The following PPIP5K2 variants were observed in gnomAD, a reference collection of about 807,000 sequenced individuals.
The protein encoded by PPIP5K2 is diphosphoinositol pentakisphosphate kinase 2.
In PPIP5K2, 105 loss-of-function variants were observed where a neutral mutation model predicts 154.6. The observed-to-expected ratio is 0.68, with a 90% CI of 0.58 to 0.80. The LOEUF is 0.80. Ranked by LOEUF, PPIP5K2 falls within the 30% of genes least tolerant of loss-of-function variation. The pLI is 0.00. For synonymous variants in PPIP5K2, 480 were observed against 490.3 expected, an observed-to-expected ratio of 0.98 and a Z score of 0.28; for missense variants, 992 against 1,504.6, an observed-to-expected ratio of 0.66 and a Z score of 5.64.
rs1803657534 is a variant in PPIP5K2, at chr5:103,208,930, A to G, written c.*7296A>G. 6.6e-6 allele frequency: 1 copy of G among 152,032 alleles called. No individual in the cohort carries two copies. The highest frequency in any genetic ancestry group is 2.4e-5 in the African/African-American group (1 of 41,372). 9.4% of individuals were successfully genotyped at this position (152,032 alleles called of 1,614,324 possible). A position where few individuals can be genotyped will look rare whatever the true frequency, so the allele number is the denominator to read the frequency against. ...TAAATTAAGACCTAATTTCTCCTTCATTTTCAAACTGGATATCATTTCTTT... is the reference window on the plus strand; with the variant it reads ...TAAATTAAGACCTAATTTCTCCTTCGTTTTCAAACTGGATATCATTTCTTT... On this transcript the variant is annotated 3_prime_UTR_variant, in exon 31 of 31. Transcript: ENST00000358359.
chr5:103,146,181 T>C (rs1213646863), intron 5 of PPIP5K2, among the ~76,000 whole-genome samples: 1 of 152,098 alleles, frequency 6.6e-6, no homozygotes, highest in Non-Finnish European at 1.5e-5. Context: ...TTTTACGATA[T>C]CTGTGATATG....
intron 30 of PPIP5K2, among the ~76,000 whole-genome samples, chr5:103,200,773 C>T (rs1162521631): frequency 2.0e-5 from 3 of 151,876 alleles, no homozygotes; most frequent in African/African-American, 7.3e-5. Flanking sequence ...GTAGCTGAGA[C>T]TATAAGTGTG....
rs1794219241 is a variant in PPIP5K2, at chr5:103,149,238, A to G, written c.831A>G (p.Gly277=). Residue 277 remains glycine (G), a synonymous_variant, in exon 8 of 31, where the codon GGA becomes GGG. Coordinates refer to ENST00000358359, the MANE Select transcript of PPIP5K2 (RefSeq NM_001276277.3). The part of the protein sequence containing the change: ...LDGKVERDSE[G]KEVRYPVILN... The stretch of plus-strand genomic sequence containing the variant: ...GCAAGGTGGAACGAGACAGTGAAGG[A>G]AAAGAAGTAAGATACCCTGTTATTC... The G allele has an allele frequency of 6.2e-7, 1 of 1,613,934 alleles. No individual in the cohort carries two copies. The highest frequency in any genetic ancestry group is 1.3e-5 in the African/African-American group (1 of 74,928).
chr5:103,142,403 C>T (rs1175868955), intron 5 of PPIP5K2, among the ~76,000 whole-genome samples: 1 of 152,180 alleles, frequency 6.6e-6, no homozygotes, highest in Non-Finnish European at 1.5e-5. Context: ...AGCCCCAGTT[C>T]CCGCTCGCGC....
At chr5:103,123,127 A>G (rs1328031592) in intron 1 of PPIP5K2, among the ~76,000 whole-genome samples, 1 of 152,200 alleles carries the variant, frequency 6.6e-6, no homozygotes, top group Non-Finnish European at 1.5e-5. Flanking sequence ...TTGCTAGAAA[A>G]CTGTCATAAC....
chr5:103,179,235 A>T (rs1020882020), intron 23 of PPIP5K2, among the ~76,000 whole-genome samples: 1 of 151,900 alleles, frequency 6.6e-6, no homozygotes, highest in Non-Finnish European at 1.5e-5. Context: ...TAATTTGATG[A>T]GGGTTTTTAT....
chr5:103,127,431 G>A (rs976282686), intron 1 of PPIP5K2, among the ~76,000 whole-genome samples: 1 of 152,116 alleles, frequency 6.6e-6, no homozygotes, highest in Non-Finnish European at 1.5e-5. Context: ...GCTCCTTAAG[G>A]AAAAGAGCCA....
intron 1 of PPIP5K2, among the ~76,000 whole-genome samples, chr5:103,125,455 C>G (rs1308134249): frequency 1.5e-5 from 2 of 133,280 alleles, no homozygotes; most frequent in Non-Finnish European, 3.2e-5. Flanking sequence ...CTAGCCTGTT[C>G]AGTTTTTTTT....
At chr5:103,172,133 A>T (rs115491305) in intron 19 of PPIP5K2, among the ~76,000 whole-genome samples, 2,850 of 151,764 alleles carry the variant, frequency 0.019, 92 homozygotes, top group African/African-American at 0.066. Context: ...TTAAAAAAAA[A>T]TTATTTCCCT....
rs1447637552 is a variant in PPIP5K2, at chr5:103,151,772, CTT to C, written c.1028+401_1028+402del. Among the ~76,000 whole-genome samples, 4 of 151,958 alleles carry C rather than the reference CTT, an allele frequency of 2.6e-5. No homozygotes were observed. In the East Asian group the frequency reaches 7.7e-4, roughly 29 times the overall value. On this transcript the variant is annotated intron_variant, in intron 9 of 30. Transcript: ENST00000358359. The stretch of plus-strand genomic sequence containing the variant: ...ATAGAAATATTTAGAATTCATGACT[CTT>C]TTGCATGACAATTCATTCTACAAGC...
At chr5:103,135,344 G>C (rs1422373625) in intron 3 of PPIP5K2, among the ~76,000 whole-genome samples, 1 of 152,162 alleles carries the variant, frequency 6.6e-6, no homozygotes, top group Non-Finnish European at 1.5e-5. Flanking sequence ...GATGGAACCA[G>C]GATTTGAACG....
intron 17 of PPIP5K2, 147 bp downstream of exon 17, chr5:103,159,475 C>A: frequency 2.7e-6 from 2 of 734,026 alleles, no homozygotes; most frequent in Non-Finnish European, 3.9e-6. Flanking sequence ...AACATTGGAA[C>A]AACTTTGGCT....
chr5:103,192,631 A>G (rs1801416595), intron 29 of PPIP5K2, among the ~76,000 whole-genome samples: 1 of 152,148 alleles, frequency 6.6e-6, no homozygotes. Context: ...TTTTAGTAGA[A>G]TATTTACAAA....
rs782105923 is a variant in PPIP5K2, at chr5:103,190,978, A to C, written c.3489A>C (p.Glu1163Asp). The C allele has an allele frequency of 1.2e-6, 2 of 1,602,688 alleles. No individual in the cohort carries two copies. The highest frequency in any genetic ancestry group is 1.7e-6 in the Non-Finnish European group (2 of 1,176,094). Reference protein sequence around the residue: ...PSSDVPRKTAEISSTALRSSP... With the variant: ...PSSDVPRKTADISSTALRSSP... The stretch of plus-strand genomic sequence containing the variant: ...CTGACGTTCCACGGAAGACCGCTGA[A>C]ATTTGTAGGAAATTTTTCTTTCATT... The change falls in exon 29 of 31, where the codon GAA becomes GAC. Residue 1163 changes from glutamate (E) to aspartate (D), a missense_variant. Physicochemically the swap from Glu to Asp is conservative, Grantham distance 45. This residue lies in a region of PPIP5K2 where 131 missense variants were observed against 117.8 expected (regional missense o/e 1.11). Transcript: ENST00000358359.
chr5:103,193,190 T>C (rs1158800107), intron 29 of PPIP5K2, among the ~76,000 whole-genome samples: 2 of 152,248 alleles, frequency 1.3e-5, no homozygotes, highest in Non-Finnish European at 2.9e-5. Context: ...AAAGCCTCTA[T>C]TTTTCTCATT....
At position 103,206,030 on chromosome 5, in the gene PPIP5K2, G is replaced by T. The variant is rs1221982023; in HGVS notation, c.*4396G>T. 2.6e-5 allele frequency: 4 copies of T among 152,090 alleles called. No individual in the cohort carries two copies. Among genetic ancestry groups the T allele is most frequent in the Non-Finnish European group, 5.9e-5 (4 of 68,012 alleles). The allele number at this position is 152,090 out of a possible 1,614,324, so 9.4% of individuals were successfully genotyped here. ...TTTATGTAATGTATCTTTGCTTTTA[G>T]ATTGTGCTTGCTTTTTTTATTGCTT... On this transcript the variant is annotated 3_prime_UTR_variant, in exon 31 of 31. Transcript: ENST00000358359.
At chr5:103,176,252 A>G (rs1798691483) in intron 21 of PPIP5K2, among the ~76,000 whole-genome samples, 1 of 152,050 alleles carries the variant, frequency 6.6e-6, no homozygotes, top group Admixed American at 6.6e-5. Context: ...TATAACTGCA[A>G]CACTGAGTTA....
chr5:103,179,926 T>A, intron 23 of PPIP5K2, 95 bp from the exon 24 acceptor site: 1 of 1,054,586 alleles, frequency 9.5e-7, no homozygotes, highest in Non-Finnish European at 1.3e-6. Flanking sequence ...TGTATATGTA[T>A]TTCAAGTACC....
At chr5:103,154,987 CTCT>C in intron 13 of PPIP5K2, 44 bp downstream of exon 13, 1 of 1,154,236 alleles carries the variant, frequency 8.7e-7, no homozygotes, top group Non-Finnish European at 1.2e-6. Context: ...CTACATATAG[CTCT>C]TCTTTTTTAT....
Sources: gnomAD v4.1 joint callset for allele counts (sites outside exome capture counted in the v4.1 genomes callset) on GRCh38, gnomAD v4.1.1 for gene constraint, gnomAD v4.1.1 regional missense constraint, MANE v1.5 for transcripts, NCBI Gene and HGNC (gene_info 2026-07-23, HGNC 2026-07-21) for gene names.